ARHGEF10: variants seen among roughly 807,000 people sequenced by gnomAD.
The protein encoded by ARHGEF10 is Rho guanine nucleotide exchange factor (GEF) 10.
A neutral mutation model predicts 147.4 loss-of-function variants in ARHGEF10; 140 were observed. The ratio of observed to expected loss-of-function variants is 0.95; its 90% CI spans 0.83 to 1.09. ARHGEF10 has a LOEUF of 1.09. ARHGEF10 is among the 50% of genes least tolerant of loss of function. The pLI is 0.00. For synonymous variants in ARHGEF10, 902 were observed against 695.8 expected (o/e 1.30, Z -4.67); for missense variants, 2,222 against 1,752.7 (o/e 1.27, Z -4.78).
intron 4 of ARHGEF10, among the ~76,000 whole-genome samples, chr8:1,862,667 C>G (rs573305791): frequency 6.6e-6 from 1 of 152,238 alleles, no homozygotes; most frequent in African/African-American, 2.4e-5. Context: ...CATTTCTCAC[C>G]GTGCAGCGAG....
intron 1 of ARHGEF10, among the ~76,000 whole-genome samples, chr8:1,824,443 G>C (rs1802611626): frequency 6.6e-6 from 1 of 151,952 alleles, no homozygotes; most frequent in Non-Finnish European, 1.5e-5. Context: ...TCGCCTGGGG[G>C]GTCGTGCAGT....
chr8:1,905,222 G>T (rs1331915036), intron 16 of ARHGEF10, among the ~76,000 whole-genome samples: 1 of 151,460 alleles, frequency 6.6e-6, no homozygotes, highest in Non-Finnish European at 1.5e-5. Flanking sequence ...TGATGGTTTT[G>T]CTTTGGCTCA....
At chr8:1,909,572 G>C (rs541419004) in intron 18 of ARHGEF10, 102 bp downstream of exon 18, 773 of 1,498,300 alleles carry the variant, frequency 5.2e-4, no homozygotes, top group Non-Finnish European at 6.8e-4. Flanking sequence ...AGCAGGTTCA[G>C]GGTTTAACAT....
chr8:1,895,383 T>C (rs1809887428), intron 13 of ARHGEF10, among the ~76,000 whole-genome samples: 4 of 152,238 alleles, frequency 2.6e-5, no homozygotes, highest in Admixed American at 2.6e-4. Context: ...GTTCCTCTTC[T>C]TAAATGAATG....
chr8:1,845,390 C>T (rs565845149), intron 2 of ARHGEF10, among the ~76,000 whole-genome samples: 3 of 152,310 alleles, frequency 2.0e-5, no homozygotes, highest in South Asian at 4.1e-4. Context: ...CCAGAGCTTG[C>T]GTGCTTTTCT....
intron 17 of ARHGEF10, 62 bp downstream of exon 17, chr8:1,905,778 C>A: frequency 1.2e-5 from 19 of 1,589,906 alleles, no homozygotes; most frequent in Non-Finnish European, 1.6e-5. Flanking sequence ...TGCCTAAGGG[C>A]ACATGCATGA....
intron 18 of ARHGEF10, among the ~76,000 whole-genome samples, chr8:1,921,689 C>G (rs1011193475): frequency 6.6e-6 from 1 of 151,860 alleles, no homozygotes; most frequent in African/African-American, 2.4e-5. Flanking sequence ...GAGCTGAGAT[C>G]GTGCCATCGC....
At chr8:1,867,308 G>A (rs1839928310) in intron 6 of ARHGEF10, among the ~76,000 whole-genome samples, 1 of 152,158 alleles carries the variant, frequency 6.6e-6, no homozygotes, top group Non-Finnish European at 1.5e-5. Flanking sequence ...ATTACTTAAA[G>A]GACAGACTAG....
Position 1,874,176 on chromosome 8 carries a change from AC to A in ARHGEF10, c.680-2392del, listed in dbSNP as rs147191256. ...ATTCACTGAATTGATGGTTAGCAAGACCCTTCAAAGTCCTTGGAAGTTCCGT... is the reference window on the plus strand; with the variant it reads ...ATTCACTGAATTGATGGTTAGCAAGACCTTCAAAGTCCTTGGAAGTTCCGT... On this transcript the variant is annotated intron_variant, in intron 7 of 28. Transcript: ENST00000349830. 2.4e-3 allele frequency among the ~76,000 whole-genome samples: 362 copies of A among 152,292 alleles called. 3 individuals carry two copies. Among genetic ancestry groups the A allele is most frequent in the African/African-American group, 8.4e-3 (347 of 41,548 alleles).
chr8:1,843,065 A>G (rs1032493987), intron 1 of ARHGEF10, among the ~76,000 whole-genome samples: 1 of 152,236 alleles, frequency 6.6e-6, no homozygotes, highest in African/African-American at 2.4e-5. Context: ...AGCCAGTGTC[A>G]TTTTGGGAGG....
At chr8:1,860,326 C>A (rs1367630985) in intron 4 of ARHGEF10, 142 bp downstream of exon 4, 9 of 1,071,844 alleles carry the variant, frequency 8.4e-6, no homozygotes, top group Non-Finnish European at 1.2e-5. Context: ...GACCTTCCCC[C>A]CTCCTCCTCC....
chr8:1,952,621 T>C, intron 27 of ARHGEF10, 84 bp from the exon 28 acceptor site: 1 of 1,567,666 alleles, frequency 6.4e-7, no homozygotes, highest in Non-Finnish European at 8.7e-7. Flanking sequence ...ACGACAGGCC[T>C]GTGGGGTTTC....
intron 16 of ARHGEF10, 113 bp from the exon 17 acceptor site, chr8:1,905,458 A>T: frequency 3.8e-6 from 5 of 1,328,586 alleles, no homozygotes; most frequent in Non-Finnish European, 5.4e-6. Context: ...CGATTTCCGT[A>T]AAGCGCTCAG....
At chr8:1,919,557 C>G (rs1812059960) in intron 18 of ARHGEF10, among the ~76,000 whole-genome samples, 1 of 145,546 alleles carries the variant, frequency 6.9e-6, no homozygotes, top group African/African-American at 2.6e-5. Flanking sequence ...TGGAGCTGTT[C>G]TATGGGTGAT....
At chr8:1,838,145 ACCGGGGGTG>A (rs1388074669) in intron 1 of ARHGEF10, among the ~76,000 whole-genome samples, 12 of 152,146 alleles carry the variant, frequency 7.9e-5, no homozygotes, top group East Asian at 7.7e-4. Flanking sequence ...GCTGGGATCC[ACCGGGGGTG>A]CCGGGGGTGC....
chr8:1,851,055 G>T (rs575513130), intron 2 of ARHGEF10, among the ~76,000 whole-genome samples: 7 of 152,190 alleles, frequency 4.6e-5, no homozygotes, highest in Non-Finnish European at 1.0e-4. Context: ...GGTGACAGGC[G>T]GAGCACGGGA....
chr8:1,848,260 ACG>A (rs2129056276), intron 2 of ARHGEF10, among the ~76,000 whole-genome samples: 1 of 152,324 alleles, frequency 6.6e-6, no homozygotes, highest in Admixed American at 6.5e-5. Context: ...GTGGCTTTGT[ACG>A]CGCCACACGG....
intron 5 of ARHGEF10, among the ~76,000 whole-genome samples, chr8:1,866,188 C>T (rs1166615013): frequency 6.6e-6 from 1 of 152,104 alleles, no homozygotes; most frequent in East Asian, 1.9e-4. Context: ...GTGAGCAGGG[C>T]CTAAGAGGTC....
chr8:1,944,970 G>T (rs948908282), intron 26 of ARHGEF10, among the ~76,000 whole-genome samples: 2 of 152,274 alleles, frequency 1.3e-5, no homozygotes, highest in Non-Finnish European at 2.9e-5. Flanking sequence ...GAGCTGCGGG[G>T]CTGCAGCTGA....
Sources: gnomAD v4.1 joint callset for allele counts (sites outside exome capture counted in the v4.1 genomes callset) on GRCh38, gnomAD v4.1.1 for gene constraint, MANE v1.5 for transcripts, NCBI Gene and HGNC (gene_info 2026-07-23, HGNC 2026-07-21) for gene names.